Variants in PARVA observed in about 807,000 individuals in gnomAD.
PARVA encodes alpha-parvin.
PARVA carries 25 observed loss-of-function variants against 52.6 expected under a neutral mutation model. That is an observed-to-expected ratio of 0.48 (90% CI 0.35 to 0.66). The LOEUF (loss-of-function observed/expected upper bound fraction) is 0.66. PARVA is among the 30% of genes least tolerant of loss of function. PARVA has a pLI of 0.01. For synonymous variants in PARVA, 185 were observed against 179.1 expected (o/e 1.03, Z -0.26); for missense variants, 373 against 450.9 (o/e 0.83, Z 1.56).
intron 1 of PARVA, among the ~76,000 whole-genome samples, chr11:12,435,091 A>G (rs1940369410): frequency 6.6e-6 from 1 of 152,046 alleles, no homozygotes; most frequent in Non-Finnish European, 1.5e-5. Context: ...ACCCATTGAA[A>G]CTGTTCTGGC....
chr11:12,398,318 C>T (rs1939779802), intron 1 of PARVA: 2 of 151,892 alleles, frequency 1.3e-5, no homozygotes, highest in African/African-American at 4.8e-5. Context: ...GGAGGAAGAC[C>T]AGCTGCTGTT....
chr11:12,503,934 A>C (rs572414961), intron 5 of PARVA, among the ~76,000 whole-genome samples: 1 of 152,264 alleles, frequency 6.6e-6, no homozygotes, highest in South Asian at 2.1e-4. Context: ...GCTTCCAGGG[A>C]GGCCTCAGGG....
At chr11:12,486,766 A>T (rs1184598313) in intron 4 of PARVA, among the ~76,000 whole-genome samples, 1 of 152,196 alleles carries the variant, frequency 6.6e-6, no homozygotes, top group Non-Finnish European at 1.5e-5. Context: ...GGATCACTTG[A>T]GCCCAGGAGG....
In PARVA at chr11:12,528,160, G is replaced by A; in HGVS notation, c.*235G>A. The A allele has an allele frequency of 3.9e-6, 2 of 507,474 alleles. No homozygotes were observed. Among genetic ancestry groups the A allele is most frequent in the Admixed American group, 3.2e-5 (1 of 31,228 alleles). 31.4% of individuals were successfully genotyped at this position (507,474 alleles called of 1,614,324 possible). The stretch of plus-strand genomic sequence containing the variant: ...CAACCTAGCAATGAAGGTTGGGAAG[G>A]TTGTTCCCTTCCCGGTGCCAGGTCC... On this transcript the variant is annotated 3_prime_UTR_variant, in exon 13 of 13. Transcript: ENST00000334956.
At position 12,531,976 on chromosome 11, in the gene PARVA, A is replaced by C. The variant is rs1323092589; in HGVS notation, c.*4051A>C. On this transcript the variant is annotated 3_prime_UTR_variant, in exon 13 of 13. Transcript: ENST00000334956. ...TCCTAACTACAAAGGCTACATTTAC[A>C]AATACCAGAGTTTCGACTGTGTTTT... Among the ~76,000 whole-genome samples the C allele has an allele frequency of 1.3e-5, 2 of 152,182 alleles. No individual in the cohort carries two copies. Among genetic ancestry groups the C allele is most frequent in the Non-Finnish European group, 2.9e-5 (2 of 68,034 alleles).
At chr11:12,409,365 C>CT (rs1564840428) in intron 1 of PARVA, among the ~76,000 whole-genome samples, 1 of 152,172 alleles carries the variant, frequency 6.6e-6, no homozygotes, top group South Asian at 2.1e-4. Context: ...CCGAAAGTGT[C>CT]TATGTCCTAA....
chr11:12,388,047 T>G (rs1589937585), intron 1 of PARVA, among the ~76,000 whole-genome samples: 1 of 152,224 alleles, frequency 6.6e-6, no homozygotes, highest in East Asian at 1.9e-4. Context: ...ATTTCCTCAC[T>G]AAAGTGCAAA....
chr11:12,383,122 C>G (rs985450320), intron 1 of PARVA, among the ~76,000 whole-genome samples: 1 of 152,198 alleles, frequency 6.6e-6, no homozygotes, highest in Non-Finnish European at 1.5e-5. Context: ...AGCACTTTAT[C>G]TGGGCCCCTT....
rs556431191 is a variant in PARVA, at chr11:12,475,048, C to T, written c.297+1065C>T. Among the ~76,000 whole-genome samples, 3 of 152,226 alleles carry T rather than the reference C, an allele frequency of 2.0e-5. No homozygotes were observed. In the South Asian group the frequency reaches 6.2e-4, roughly 32 times the overall value. ...CCCTGTGCAAGACCTCTCAGAGTTT[C>T]TCATCCACCACAGGTTGCAGTCGAC... is the stretch of plus-strand genomic sequence containing the variant. On this transcript the variant is annotated intron_variant, in intron 3 of 12. Coordinates refer to ENST00000334956, the MANE Select transcript of PARVA (RefSeq NM_018222.5).
At chr11:12,476,959 G>T (rs1330543618) in intron 3 of PARVA, among the ~76,000 whole-genome samples, 1 of 152,188 alleles carries the variant, frequency 6.6e-6, no homozygotes, top group Non-Finnish European at 1.5e-5. Flanking sequence ...GGTTCCCCCA[G>T]GCCTGTGGTC....
At chr11:12,440,143 T>G (rs899478018) in intron 1 of PARVA, among the ~76,000 whole-genome samples, 1 of 152,228 alleles carries the variant, frequency 6.6e-6, no homozygotes, top group African/African-American at 2.4e-5. Context: ...ATATGCTCAG[T>G]TAACATTTGT....
At chr11:12,455,791 AAC>A (rs1372478820) in intron 1 of PARVA, among the ~76,000 whole-genome samples, 7 of 152,166 alleles carry the variant, frequency 4.6e-5, no homozygotes, top group Middle Eastern at 3.4e-3. Flanking sequence ...ACTTCATCTC[AAC>A]ACAGTTTCCA....
upstream of PARVA, chr11:12,377,255 T>G (rs1019749184): frequency 1.5e-5 from 6 of 406,150 alleles, no homozygotes; most frequent in East Asian, 4.3e-5. Flanking sequence ...AGTAGCAGGG[T>G]TGGGTTGGTT....
chr11:12,518,295 G>C (rs1427742373), intron 11 of PARVA, 150 bp from the exon 12 acceptor site: 1 of 640,572 alleles, frequency 1.6e-6, no homozygotes, highest in East Asian at 2.7e-5. Flanking sequence ...GCTCCAGGTG[G>C]CCTGCCCATT....
chr11:12,411,189 C>G (rs61110265), intron 1 of PARVA, among the ~76,000 whole-genome samples: 2,483 of 152,276 alleles, frequency 0.016, 66 homozygotes, highest in African/African-American at 0.056. Flanking sequence ...TTTTTAAAAA[C>G]AGATTTCACT....
intron 1 of PARVA, among the ~76,000 whole-genome samples, chr11:12,412,469 AG>A (rs1324848141): frequency 1.3e-5 from 2 of 152,002 alleles, no homozygotes; most frequent in Admixed American, 1.3e-4. Context: ...AAGGACCACC[AG>A]GGGGCTCCGG....
intron 1 of PARVA, among the ~76,000 whole-genome samples, chr11:12,452,486 C>CA (rs1940636241): frequency 1.3e-5 from 2 of 152,190 alleles, no homozygotes; most frequent in Non-Finnish European, 2.9e-5. Flanking sequence ...ACAGCATAGC[C>CA]ACTCTGTGTC....
chr11:12,381,715 T>C (rs1939489693), intron 1 of PARVA, among the ~76,000 whole-genome samples: 2 of 152,198 alleles, frequency 1.3e-5, no homozygotes, highest in East Asian at 3.9e-4. Context: ...GAAAAGAAAA[T>C]GTTATAAAGA....
chr11:12,452,858 G>A, intron 1 of PARVA: 1 of 345,988 alleles, frequency 2.9e-6, no homozygotes, highest in South Asian at 2.2e-5. Context: ...GTTGTGCCGA[G>A]CAGGAGGCAT....
Sources: allele counts gnomAD v4.1 joint callset (sites outside exome capture counted in the v4.1 genomes callset), GRCh38; gene constraint gnomAD v4.1.1; transcripts MANE v1.5; gene names NCBI Gene and HGNC (gene_info 2026-07-23, HGNC 2026-07-21).